The following CDH9 variants were observed in gnomAD, a reference collection of about 807,000 sequenced individuals.
CDH9 encodes the protein cadherin-9.
In CDH9, 28 loss-of-function variants were observed where a neutral mutation model predicts 70.9. The observed-to-expected ratio is 0.40, with a 90% confidence interval of 0.29 to 0.54. The LOEUF is 0.54. CDH9 is among the 20% of genes least tolerant of loss of function. The pLI is 0.59. For synonymous variants in CDH9, 409 were observed against 343.1 expected, an observed-to-expected ratio of 1.19 and a Z score of -2.12; for missense variants, 874 against 984.4, an observed-to-expected ratio of 0.89 and a Z score of 1.50.
chr5:27,004,316 C>T (rs1016159045), intron 1 of CDH9, among the ~76,000 whole-genome samples: 1 of 151,938 alleles, frequency 6.6e-6, no homozygotes, highest in South Asian at 2.1e-4. Flanking sequence ...AACAAAAGTG[C>T]CCCTACAGCT....
At chr5:26,961,976 C>T (rs1033478468) in intron 2 of CDH9, among the ~76,000 whole-genome samples, 3 of 152,110 alleles carry the variant, frequency 2.0e-5, no homozygotes, top group Non-Finnish European at 4.4e-5. Flanking sequence ...TCCCTTCCCT[C>T]GCCCCCAACT....
At chr5:26,884,086 T>C (rs1579660135) in intron 11 of CDH9, among the ~76,000 whole-genome samples, 1 of 152,020 alleles carries the variant, frequency 6.6e-6, no homozygotes, top group Non-Finnish European at 1.5e-5. Flanking sequence ...AATAAAAAAT[T>C]ACTCCACATT....
At chr5:26,992,150 T>A (rs1031442572) in intron 1 of CDH9, among the ~76,000 whole-genome samples, 1 of 152,166 alleles carries the variant, frequency 6.6e-6, no homozygotes, top group African/African-American at 2.4e-5. Flanking sequence ...GGGAATTGAA[T>A]GCTGCTGCTG....
At chr5:26,918,518 C>G (rs1310597179) in intron 2 of CDH9, among the ~76,000 whole-genome samples, 1 of 152,162 alleles carries the variant, frequency 6.6e-6, no homozygotes, top group Non-Finnish European at 1.5e-5. Context: ...TTAAAACTAA[C>G]TTTTCACATA....
At chr5:26,899,112 C>T (rs1177764612) in intron 7 of CDH9, among the ~76,000 whole-genome samples, 2 of 152,062 alleles carry the variant, frequency 1.3e-5, no homozygotes, top group East Asian at 1.9e-4. Flanking sequence ...AAATCAAAAC[C>T]ACAATGAGAC....
intron 2 of CDH9, among the ~76,000 whole-genome samples, chr5:26,924,115 T>A (rs1332567166): frequency 6.6e-6 from 1 of 151,658 alleles, no homozygotes; most frequent in Admixed American, 6.6e-5. Context: ...AGAAACATGG[T>A]TTGTTGAAAA....
intron 2 of CDH9, among the ~76,000 whole-genome samples, chr5:26,943,444 C>A (rs936583755): frequency 6.8e-6 from 1 of 147,372 alleles, no homozygotes; most frequent in Non-Finnish European, 1.5e-5. Flanking sequence ...ACCTGGGAGG[C>A]GGGGGTTTTG....
intron 1 of CDH9, among the ~76,000 whole-genome samples, chr5:27,009,130 C>G (rs961149465): frequency 7.2e-5 from 11 of 152,102 alleles, no homozygotes; most frequent in African/African-American, 2.4e-4. Context: ...TCAAGAAAGG[C>G]AGCTCACAAG....
At chr5:26,907,076 G>T (rs989546602) in intron 3 of CDH9, among the ~76,000 whole-genome samples, 1 of 151,896 alleles carries the variant, frequency 6.6e-6, no homozygotes, top group African/African-American at 2.4e-5. Flanking sequence ...TATCAGTAAG[G>T]TGAATATAAT....
chr5:26,950,200 G>T (rs1024913203), intron 2 of CDH9, among the ~76,000 whole-genome samples: 1 of 152,294 alleles, frequency 6.6e-6, no homozygotes, highest in Non-Finnish European at 1.5e-5. Flanking sequence ...CTGGAAGCTA[G>T]TGTTCTACAA....
intron 2 of CDH9, among the ~76,000 whole-genome samples, chr5:26,948,449 A>G (rs1312924265): frequency 2.0e-5 from 3 of 152,204 alleles, no homozygotes; most frequent in Non-Finnish European, 2.9e-5. Flanking sequence ...GTCCCCAAAG[A>G]CTGGGATGGC....
At chr5:27,009,348 C>G (rs1390180839) in intron 1 of CDH9, among the ~76,000 whole-genome samples, 1 of 151,932 alleles carries the variant, frequency 6.6e-6, no homozygotes. Context: ...CTCCCACATG[C>G]GATAAACAGT....
chr5:26,933,533 T>G (rs949419397), intron 2 of CDH9, among the ~76,000 whole-genome samples: 2 of 151,144 alleles, frequency 1.3e-5, no homozygotes, highest in African/African-American at 4.9e-5. Flanking sequence ...TTCCAGCACT[T>G]TGGGAGGCCG....
At chr5:26,901,867 CTTA>C (rs1042365096) in intron 7 of CDH9, among the ~76,000 whole-genome samples, 1 of 151,784 alleles carries the variant, frequency 6.6e-6, no homozygotes, top group African/African-American at 2.4e-5. Context: ...TTTTACCTTT[CTTA>C]TTCACTTAAA....
At chr5:26,955,608 G>C (rs1257313928) in intron 2 of CDH9, among the ~76,000 whole-genome samples, 6 of 151,336 alleles carry the variant, frequency 4.0e-5, no homozygotes, top group African/African-American at 1.2e-4. Flanking sequence ...CTCTCTCTGT[G>C]TGTGTTTCTC....
rs78142901 is a variant in CDH9 at position 27,006,746 on chromosome 5, T to C, written c.-49-18364A>G. Among the ~76,000 whole-genome samples the C allele has an allele frequency of 5.4e-3, 819 of 152,232 alleles. 5 individuals are homozygous for C. Among genetic ancestry groups the C allele is most frequent in the South Asian group, 0.017 (82 of 4,824 alleles). On this transcript the variant is annotated intron_variant, in intron 1 of 11. Coordinates refer to ENST00000231021, the MANE Select transcript of CDH9 (RefSeq NM_016279.4). The stretch of plus-strand genomic sequence containing the variant: ...CTTGACAGAATTAGGGAAAGGTGAA[T>C]AGATCATGCTGCTCCCATGGAATAA...
intron 2 of CDH9, among the ~76,000 whole-genome samples, chr5:26,955,561 G>C (rs772846880): frequency 7.0e-6 from 1 of 142,364 alleles, no homozygotes; most frequent in Admixed American, 7.3e-5. Context: ...AGATGTTTCT[G>C]TTGTGGCAGT....
At chr5:27,034,614 C>T (rs1238282269) in intron 1 of CDH9, among the ~76,000 whole-genome samples, 1 of 151,390 alleles carries the variant, frequency 6.6e-6, no homozygotes, top group African/African-American at 2.4e-5. Context: ...GAGCATCTGA[C>T]CACAACACCC....
intron 3 of CDH9, among the ~76,000 whole-genome samples, chr5:26,912,023 C>A (rs1336103402): frequency 6.6e-6 from 1 of 151,896 alleles, no homozygotes; most frequent in Non-Finnish European, 1.5e-5. Flanking sequence ...AAATAGAGAT[C>A]AACAGAAAAT....
Sources: allele counts gnomAD v4.1 joint callset (sites outside exome capture counted in the v4.1 genomes callset), GRCh38; gene constraint gnomAD v4.1.1; transcripts MANE v1.5; gene names NCBI Gene and HGNC (gene_info 2026-07-23, HGNC 2026-07-21).